GFRA1: variants seen among roughly 807,000 people sequenced by gnomAD.
The protein encoded by GFRA1 is GDNF family receptor alpha 1, also known as GDNF family receptor alpha-1.
GFRA1 carries 16 observed loss-of-function variants against 51.6 expected under a neutral mutation model. That is an observed-to-expected ratio of 0.31 (90% CI 0.21 to 0.47). The LOEUF is 0.47. Among genes scored for constraint, GFRA1 ranks in the 20% least tolerant of loss-of-function variants. The pLI is 1.00. For synonymous variants in GFRA1, 270 were observed against 241.3 expected, an observed-to-expected ratio of 1.12 and a Z score of -1.10; for missense variants, 530 against 594.3, an observed-to-expected ratio of 0.89 and a Z score of 1.13.
At chr10:116,065,490 T>C in intron 10 of GFRA1, 83 bp downstream of exon 10, 1 of 1,091,140 alleles carries the variant, frequency 9.2e-7, no homozygotes, top group Non-Finnish European at 1.4e-6. Flanking sequence ...TGTCTTTGAA[T>C]GCTTTATATG....
chr10:116,219,292 GTT>G (rs1346128572), intron 4 of GFRA1, among the ~76,000 whole-genome samples: 1 of 152,178 alleles, frequency 6.6e-6, no homozygotes, highest in Non-Finnish European at 1.5e-5. Context: ...TACTATGAAA[GTT>G]ATGTCCGAGT....
At chr10:116,237,735 C>T (rs1187612463) in intron 4 of GFRA1, among the ~76,000 whole-genome samples, 1 of 152,128 alleles carries the variant, frequency 6.6e-6, no homozygotes, top group East Asian at 1.9e-4. Flanking sequence ...CTGCAAAGAC[C>T]TGGGTCCTAC....
intron 4 of GFRA1, among the ~76,000 whole-genome samples, chr10:116,246,459 G>C (rs1403307197): frequency 6.6e-6 from 1 of 152,070 alleles, no homozygotes; most frequent in Non-Finnish European, 1.5e-5. Flanking sequence ...AAACTGTTGG[G>C]TCAGACAGTA....
chr10:116,235,519 C>T (rs932656834), intron 4 of GFRA1, among the ~76,000 whole-genome samples: 2 of 152,160 alleles, frequency 1.3e-5, no homozygotes, highest in Non-Finnish European at 2.9e-5. Context: ...ACCCCCAACC[C>T]CTGGAAGATT....
At chr10:116,146,402 A>G (rs955432505) in intron 5 of GFRA1, among the ~76,000 whole-genome samples, 1 of 152,246 alleles carries the variant, frequency 6.6e-6, no homozygotes, top group African/African-American at 2.4e-5. Flanking sequence ...TCATTTGCTT[A>G]TAATTTGACA....
intron 6 of GFRA1, among the ~76,000 whole-genome samples, chr10:116,117,560 GATGGATGGATGGATGGA>G (rs1565587798): frequency 8.6e-5 from 12 of 138,802 alleles, no homozygotes; most frequent in Non-Finnish European, 1.6e-4. Flanking sequence ...TGGGTGTGTG[GATGGATGGATGGATGGA>G]TGGATGGATG....
chr10:116,160,388 G>C (rs550588147), intron 5 of GFRA1, among the ~76,000 whole-genome samples: 1 of 152,182 alleles, frequency 6.6e-6, no homozygotes, highest in African/African-American at 2.4e-5. Flanking sequence ...TCCCATAATA[G>C]TTATTTCGGT....
At chr10:116,138,874 T>A (rs1427369347) in intron 5 of GFRA1, among the ~76,000 whole-genome samples, 1 of 152,194 alleles carries the variant, frequency 6.6e-6, no homozygotes, top group African/African-American at 2.4e-5. Flanking sequence ...GTATAACTCT[T>A]GTTAGATTCC....
intron 2 of GFRA1, among the ~76,000 whole-genome samples, chr10:116,271,522 G>A (rs1025684210): frequency 5.3e-5 from 8 of 152,094 alleles, no homozygotes; most frequent in Non-Finnish European, 1.2e-4. Flanking sequence ...GTGCGGCGGC[G>A]GACTGGGCAC....
At chr10:116,076,451 C>A (rs772579650) in intron 9 of GFRA1, among the ~76,000 whole-genome samples, 6 of 152,106 alleles carry the variant, frequency 3.9e-5, no homozygotes, top group Non-Finnish European at 8.8e-5. Flanking sequence ...AAAAGGAAGC[C>A]TGTGTCATTT....
intron 6 of GFRA1, among the ~76,000 whole-genome samples, chr10:116,112,148 T>C (rs1295579334): frequency 2.0e-5 from 3 of 152,248 alleles, no homozygotes; most frequent in Non-Finnish European, 2.9e-5. Context: ...GATTTTGTCT[T>C]ATTTCCATTC....
chr10:116,223,830 TA>T (rs1212666193), intron 4 of GFRA1, among the ~76,000 whole-genome samples: 2 of 152,216 alleles, frequency 1.3e-5, no homozygotes, highest in East Asian at 3.8e-4. Context: ...TCATGAAATA[TA>T]AATGTCATTT....
rs755138188 is a variant in GFRA1, at chr10:116,272,066, A to T, written c.-37T>A. The T allele has an allele frequency of 6.6e-5, 101 of 1,536,798 alleles. No homozygotes were observed. Among genetic ancestry groups the T allele is most frequent in the Non-Finnish European group, 8.5e-5 (97 of 1,135,918 alleles). ...GGGGCTGGTCCCCGCCCCCCCAAAA[A>T]AATCCCGAGCCGCCGCTGGGTCTTG... On this transcript the variant is annotated 5_prime_UTR_variant, in exon 2 of 11. Transcript: ENST00000355422. The surrounding 1 kb of genome is among the most constrained non-coding windows in gnomAD (Gnocchi z 4.4).
chr10:116,162,499 C>T (rs2134183370), intron 5 of GFRA1, among the ~76,000 whole-genome samples: 1 of 152,306 alleles, frequency 6.6e-6, no homozygotes, highest in East Asian at 1.9e-4. Flanking sequence ...TCTTGCCAGG[C>T]TCCCATGATC....
At chr10:116,257,952 C>T (rs1175024749) in intron 4 of GFRA1, among the ~76,000 whole-genome samples, 1 of 152,118 alleles carries the variant, frequency 6.6e-6, no homozygotes, top group African/African-American at 2.4e-5. Flanking sequence ...CTGGAATGCT[C>T]TCCCCATTCA....
chr10:116,249,796 ACAAGC>A (rs1324964204), intron 4 of GFRA1, among the ~76,000 whole-genome samples: 3 of 152,236 alleles, frequency 2.0e-5, no homozygotes, highest in Non-Finnish European at 4.4e-5. Context: ...AGAAAATTGA[ACAAGC>A]CAGATGGGGT....
intron 5 of GFRA1, among the ~76,000 whole-genome samples, chr10:116,187,312 T>C (rs746162142): frequency 1.3e-5 from 2 of 152,178 alleles, no homozygotes; most frequent in Non-Finnish European, 2.9e-5. Context: ...TAAGCTCCAG[T>C]GTCTGCTCGG....
chr10:116,123,050 G>T (rs1589806218), intron 6 of GFRA1, among the ~76,000 whole-genome samples: 1 of 152,348 alleles, frequency 6.6e-6, no homozygotes, highest in Non-Finnish European at 1.5e-5. Flanking sequence ...GAGATCTTCA[G>T]GATCTCTGCT....
In GFRA1 at chr10:116,068,410, T is replaced by G. The variant is rs751647302; in HGVS notation, c.1198-2784A>C. The stretch of plus-strand genomic sequence containing the variant: ...CAAAGGATTGCATATAGGTTTGAGA[T>G]CTCTTTAAATCTCACACCAAATGAG... On this transcript the variant is annotated intron_variant, in intron 9 of 10. Transcript: ENST00000355422. Among the ~76,000 whole-genome samples, 3 of 152,192 alleles carry G rather than the reference T, an allele frequency of 2.0e-5. No individual in the cohort carries two copies. In the South Asian group the frequency reaches 6.2e-4, roughly 32 times the overall value.
Sources: gnomAD v4.1 joint callset for allele counts (sites outside exome capture counted in the v4.1 genomes callset) on GRCh38, gnomAD v4.1.1 for gene constraint, Gnocchi (gnomAD v3.1) non-coding constraint, MANE v1.5 for transcripts, NCBI Gene and HGNC (gene_info 2026-07-23, HGNC 2026-07-21) for gene names.